EMCN: variants seen among roughly 807,000 people sequenced by gnomAD.
EMCN encodes the protein endomucin.
EMCN carries 37 observed loss-of-function variants against 38.4 expected under a neutral mutation model. That is an observed-to-expected ratio of 0.96 (90% CI 0.74 to 1.27). EMCN has a LOEUF of 1.27. EMCN is among the 50% of genes most tolerant of loss of function. The pLI is 0.00. For missense variants in EMCN, 318 were observed against 302.8 expected (o/e 1.05, Z -0.37); for synonymous variants, 95 against 100.8 (o/e 0.94, Z 0.35).
At chr4:100,446,583 T>A (rs759802620) in intron 5 of EMCN, among the ~76,000 whole-genome samples, 6 of 152,140 alleles carry the variant, frequency 3.9e-5, no homozygotes, top group Non-Finnish European at 7.3e-5. Context: ...GTTTATTTAT[T>A]TTCATTTTTA....
chr4:100,425,875 T>C (rs890330220), intron 5 of EMCN, among the ~76,000 whole-genome samples: 5 of 152,122 alleles, frequency 3.3e-5, no homozygotes, highest in African/African-American at 9.7e-5. Flanking sequence ...AATATGGTAC[T>C]CTTAGATGAC....
At chr4:100,436,242 G>T (rs1035167751) in intron 5 of EMCN, among the ~76,000 whole-genome samples, 1 of 152,036 alleles carries the variant, frequency 6.6e-6, no homozygotes, top group Non-Finnish European at 1.5e-5. Flanking sequence ...AGACATTCAT[G>T]CAGTCAACAA....
At chr4:100,444,675 T>C (rs1423464016) in intron 5 of EMCN, among the ~76,000 whole-genome samples, 1 of 152,064 alleles carries the variant, frequency 6.6e-6, no homozygotes, top group Non-Finnish European at 1.5e-5. Flanking sequence ...TATGCTATTA[T>C]ATGGCTTGTT....
intron 11 of EMCN, 76 bp downstream of exon 11, chr4:100,410,206 A>C: frequency 9.7e-7 from 1 of 1,029,990 alleles, no homozygotes; most frequent in East Asian, 2.4e-5. Context: ...AAATTCTTTA[A>C]AAACAATCTA....
At chr4:100,418,191 G>T (rs1163948671) in intron 8 of EMCN, among the ~76,000 whole-genome samples, 2 of 152,012 alleles carry the variant, frequency 1.3e-5, no homozygotes, top group Admixed American at 6.6e-5. Flanking sequence ...AGCATTTTTT[G>T]ATTCCTATGT....
chr4:100,417,290 G>C, intron 8 of EMCN, 149 bp from the exon 9 acceptor site: 2 of 750,434 alleles, frequency 2.7e-6, no homozygotes, highest in African/African-American at 3.6e-5. Context: ...TTTTCCCCTT[G>C]CCAAGCCATT....
At chr4:100,409,789 C>T (rs1377970826) in intron 11 of EMCN, among the ~76,000 whole-genome samples, 1 of 152,188 alleles carries the variant, frequency 6.6e-6, no homozygotes, top group Admixed American at 6.5e-5. Context: ...GCAATTAGAC[C>T]CTTCAACTAG....
intron 4 of EMCN, among the ~76,000 whole-genome samples, chr4:100,462,554 C>T (rs904061635): frequency 5.9e-5 from 9 of 152,082 alleles, no homozygotes; most frequent in Non-Finnish European, 1.2e-4. Context: ...CCAGAAGCTG[C>T]TATACACTTT....
chr4:100,485,397 T>G (rs1437797569), intron 1 of EMCN, among the ~76,000 whole-genome samples: 1 of 152,108 alleles, frequency 6.6e-6, no homozygotes, highest in Non-Finnish European at 1.5e-5. Flanking sequence ...TGAACAAAAA[T>G]GTACTTCTTA....
intron 1 of EMCN, among the ~76,000 whole-genome samples, chr4:100,481,085 C>T (rs922059616): frequency 1.3e-5 from 2 of 152,044 alleles, no homozygotes; most frequent in African/African-American, 4.8e-5. Flanking sequence ...ATATTCACGT[C>T]TATGGAAAGC....
intron 2 of EMCN, among the ~76,000 whole-genome samples, chr4:100,479,365 GT>G (rs978392146): frequency 6.6e-6 from 1 of 151,412 alleles, no homozygotes; most frequent in Non-Finnish European, 1.5e-5. Context: ...ATAATCTCTT[GT>G]TTTTTTTAAT....
At chr4:100,497,769 A>C (rs1729248698) in intron 1 of EMCN, among the ~76,000 whole-genome samples, 1 of 152,182 alleles carries the variant, frequency 6.6e-6, no homozygotes, top group African/African-American at 2.4e-5. Context: ...AATTTGAGAA[A>C]TTATTGCTCA....
intron 11 of EMCN, among the ~76,000 whole-genome samples, chr4:100,409,796 C>A (rs1321625917): frequency 6.6e-6 from 1 of 152,236 alleles, no homozygotes; most frequent in East Asian, 1.9e-4. Context: ...GACCCTTCAA[C>A]TAGCTTCTCT....
At chr4:100,417,251 T>A in intron 8 of EMCN, 110 bp from the exon 9 acceptor site, 2 of 944,238 alleles carry the variant, frequency 2.1e-6, no homozygotes, top group Non-Finnish European at 1.7e-6. Context: ...TATGCAGAGA[T>A]GTTTCTAAGT....
chr4:100,453,797 A>T (rs1727919617), intron 4 of EMCN, among the ~76,000 whole-genome samples: 1 of 152,122 alleles, frequency 6.6e-6, no homozygotes, highest in Non-Finnish European at 1.5e-5. Flanking sequence ...GATAGACTGG[A>T]TTAAGAAAAT....
chr4:100,446,274 A>G (rs1727669019), intron 5 of EMCN: 2 of 850,378 alleles, frequency 2.4e-6, no homozygotes, highest in African/African-American at 3.7e-5. Flanking sequence ...AATAAAAAAT[A>G]TGGTGATTAA....
chr4:100,480,155 G>T, intron 1 of EMCN, 116 bp from the exon 2 acceptor site: 1 of 831,966 alleles, frequency 1.2e-6, no homozygotes, highest in South Asian at 1.7e-5. Flanking sequence ...CAATTTTCCA[G>T]TTGTAATCAA....
chr4:100,506,297 A>G (rs1183720778), intron 1 of EMCN, among the ~76,000 whole-genome samples: 1 of 152,034 alleles, frequency 6.6e-6, no homozygotes, highest in Non-Finnish European at 1.5e-5. Context: ...GGCCCCCAGA[A>G]CCCTATCTTT....
chr4:100,442,078 G>T (rs1212880683), intron 5 of EMCN, among the ~76,000 whole-genome samples: 2 of 152,170 alleles, frequency 1.3e-5, no homozygotes, highest in Non-Finnish European at 2.9e-5. Context: ...TGTAAGGCAG[G>T]TCTAGTGGTG....
Sources: allele counts gnomAD v4.1 joint callset (sites outside exome capture counted in the v4.1 genomes callset), GRCh38; gene constraint gnomAD v4.1.1; transcripts MANE v1.5; gene names NCBI Gene and HGNC (gene_info 2026-07-23, HGNC 2026-07-21).